Variants in DUSP13B observed in about 807,000 individuals in gnomAD.
The protein encoded by DUSP13B is dual specificity protein phosphatase 13B.
chr10:75,103,572 G>C, the DUSP13B span, among the ~76,000 whole-genome samples: 2 of 152,204 alleles, frequency 1.3e-5, no homozygotes, highest in Non-Finnish European at 2.9e-5. Context: ...AATCTTCTCT[G>C]TCATCCACAG....
the DUSP13B span, chr10:75,094,975 G>T: frequency 9.3e-7 from 1 of 1,075,790 alleles, no homozygotes; most frequent in Non-Finnish European, 1.4e-6. Flanking sequence ...ACAGTATCCT[G>T]GAATACTGAC....
chr10:75,108,283 G>A, the DUSP13B span: 1 of 1,517,362 alleles, frequency 6.6e-7, no homozygotes, highest in Non-Finnish European at 8.8e-7. Flanking sequence ...CTGGCCCCCT[G>A]CTGCAGAGGG....
chr10:75,099,571 T>TGG, the DUSP13B span: 9 of 1,229,786 alleles, frequency 7.3e-6, no homozygotes, highest in Admixed American at 4.2e-5. Context: ...GGGGCGCCCA[T>TGG]GGGGGGTGGG....
the DUSP13B span, chr10:75,099,217 C>T: frequency 8.1e-7 from 1 of 1,232,220 alleles, no homozygotes; most frequent in South Asian, 4.1e-5. Flanking sequence ...TCCCCTGGAC[C>T]AGTGACTAGG....
the DUSP13B span, chr10:75,104,170 G>A: frequency 1.3e-5 from 15 of 1,140,408 alleles, no homozygotes; most frequent in Non-Finnish European, 1.7e-5. Context: ...TGTTGGGGCA[G>A]GGATAAGAGC....
the DUSP13B span, among the ~76,000 whole-genome samples, chr10:75,098,089 T>C: frequency 6.6e-6 from 1 of 152,236 alleles, no homozygotes; most frequent in Admixed American, 6.5e-5. Flanking sequence ...CAAGCCTTTG[T>C]CACTGCTATG....
At chr10:75,102,123 A>G in the DUSP13B span, among the ~76,000 whole-genome samples, 1 of 152,282 alleles carries the variant, frequency 6.6e-6, no homozygotes, top group Non-Finnish European at 1.5e-5. Context: ...CAGCACTGCT[A>G]AGAATCAAGG....
At chr10:75,097,485 C>T in the DUSP13B span, among the ~76,000 whole-genome samples, 2 of 152,226 alleles carry the variant, frequency 1.3e-5, no homozygotes, top group Non-Finnish European at 2.9e-5. Context: ...GCTGGGATTA[C>T]AGGCGTGAGC....
chr10:75,096,856 T>C, the DUSP13B span, among the ~76,000 whole-genome samples: 1 of 152,218 alleles, frequency 6.6e-6, no homozygotes, highest in Non-Finnish European at 1.5e-5. Context: ...GGATAAACTG[T>C]GGCATAATCA....
At chr10:75,108,410 T>A in the DUSP13B span, 1 of 933,162 alleles carries the variant, frequency 1.1e-6, no homozygotes, top group Non-Finnish European at 1.5e-6. Flanking sequence ...GCGGTGTGTG[T>A]GTCGGGGGAT....
chr10:75,099,425 C>G, the DUSP13B span: 16 of 1,232,486 alleles, frequency 1.3e-5, no homozygotes, highest in African/African-American at 1.6e-5. Flanking sequence ...GGCCTGCCAC[C>G]TACCTGGGGC....
the DUSP13B span, chr10:75,108,068 G>A: frequency 1.2e-6 from 2 of 1,613,908 alleles, no homozygotes; most frequent in South Asian, 1.1e-5. Flanking sequence ...AATCAGGGAG[G>A]TCGTGGGCTG....
At chr10:75,100,338 G>A in the DUSP13B span, among the ~76,000 whole-genome samples, 1 of 152,124 alleles carries the variant, frequency 6.6e-6, no homozygotes, top group Non-Finnish European at 1.5e-5. Context: ...CCTTGCTCCC[G>A]ATGCTCAGGG....
chr10:75,105,761 C>T, the DUSP13B span: 127 of 1,552,614 alleles, frequency 8.2e-5, no homozygotes, highest in South Asian at 3.1e-4. Flanking sequence ...TGCTGCCTCA[C>T]GGTGATCACC....
the DUSP13B span, chr10:75,105,839 C>G: frequency 6.4e-7 from 1 of 1,550,624 alleles, no homozygotes; most frequent in Non-Finnish European, 8.7e-7. Flanking sequence ...GAGCGGCTCA[C>G]GCCCACCACA....
the DUSP13B span, among the ~76,000 whole-genome samples, chr10:75,096,287 C>A: frequency 2.0e-5 from 3 of 151,962 alleles, no homozygotes; most frequent in Middle Eastern, 0.01. Flanking sequence ...AAAATAGACT[C>A]CTTTTCAGGC....
the DUSP13B span, among the ~76,000 whole-genome samples, chr10:75,104,787 T>C: frequency 6.6e-6 from 1 of 152,070 alleles, no homozygotes; most frequent in East Asian, 1.9e-4. Flanking sequence ...CTCCTCAAGA[T>C]GCTTATCCTC....
At chr10:75,103,824 T>A in the DUSP13B span, 3 of 1,193,840 alleles carry the variant, frequency 2.5e-6, no homozygotes, top group Non-Finnish European at 3.3e-6. Context: ...CCCTCCCCAC[T>A]TTCCCAGGGA....
the DUSP13B span, among the ~76,000 whole-genome samples, chr10:75,097,098 A>G: frequency 1.3e-5 from 2 of 152,230 alleles, no homozygotes. Flanking sequence ...AGAATAGAAA[A>G]GTTATAATGA....
Sources: allele counts gnomAD v4.1 joint callset (sites outside exome capture counted in the v4.1 genomes callset), GRCh38; gene constraint gnomAD v4.1.1; transcripts MANE v1.5; gene names NCBI Gene and HGNC (gene_info 2026-07-23, HGNC 2026-07-21).